The following EVL variants were observed in gnomAD, a reference collection of about 807,000 sequenced individuals.
EVL encodes the protein Enah/Vasp-like, also known as ena/VASP-like protein.
In EVL, 21 loss-of-function variants were observed where a neutral mutation model predicts 59.6. The ratio of observed to expected loss-of-function variants is 0.35; its 90% CI spans 0.25 to 0.51. The LOEUF (loss-of-function observed/expected upper bound fraction) is 0.51, where lower values mean the gene tolerates loss of function less well. Among genes scored for constraint, EVL ranks in the 20% least tolerant of loss-of-function variants. EVL has a pLI of 0.97. For synonymous variants in EVL, 198 were observed against 203.5 expected (o/e 0.97, Z 0.23); for missense variants, 462 against 546.6 (o/e 0.85, Z 1.54).
intron 4 of EVL, among the ~76,000 whole-genome samples, chr14:100,126,253 G>A (rs1220578277): frequency 6.6e-6 from 1 of 152,254 alleles, no homozygotes; most frequent in Non-Finnish European, 1.5e-5. Flanking sequence ...CAGTGGTAAA[G>A]AAAATGAGGA....
At chr14:99,988,794 T>C (rs1472200953) in intron 1 of EVL, among the ~76,000 whole-genome samples, 1 of 152,204 alleles carries the variant, frequency 6.6e-6, no homozygotes, top group Non-Finnish European at 1.5e-5. Flanking sequence ...TTATACTCAA[T>C]GACAGGTGCA....
Position 100,108,692 on chromosome 14 carries a change from C to T in EVL, c.358+11034C>T, listed in dbSNP as rs1432940870. ...CTTCTTCCCCTCTCACTTTTCCCCA[C>T]ACTTCTAAAATCTCACTCGTCCTGT... On this transcript the variant is annotated intron_variant, in intron 3 of 13. Transcript: ENST00000392920. This position sits in a 1 kb window ranked among gnomAD's most constrained non-coding sequence, Gnocchi z 4.1. Among the ~76,000 whole-genome samples the T allele has an allele frequency of 6.6e-6, 1 of 152,202 alleles. No homozygotes were observed. Among genetic ancestry groups the T allele is most frequent in the Non-Finnish European group, 1.5e-5 (1 of 68,034 alleles).
intron 1 of EVL, among the ~76,000 whole-genome samples, chr14:100,006,283 C>CTTT (rs1195149750): frequency 6.1e-5 from 8 of 132,178 alleles, no homozygotes; most frequent in African/African-American, 8.5e-5. Context: ...GGTTGTTAAT[C>CTTT]TTTTTTTTTT....
At chr14:100,132,582 C>G in intron 7 of EVL, 137 bp from the exon 8 acceptor site, 1 of 977,414 alleles carries the variant, frequency 1.0e-6, no homozygotes, top group Non-Finnish European at 1.6e-6. Flanking sequence ...AGACAAGCCG[C>G]CTCCTTCACG....
intron 1 of EVL, among the ~76,000 whole-genome samples, chr14:100,023,470 G>A (rs147445066): frequency 0.026 from 3,914 of 149,158 alleles, 76 homozygotes; most frequent in Non-Finnish European, 0.04. Context: ...TGGGATTACA[G>A]GCATATGCCA....
At chr14:100,132,832 G>A (rs1400085913) in intron 8 of EVL, 53 bp downstream of exon 8, 24 of 1,589,710 alleles carry the variant, frequency 1.5e-5, no homozygotes, top group East Asian at 4.5e-5. Context: ...TGAGCGCATC[G>A]CCAGGGAGGC....
At chr14:99,986,711 G>A (rs1224637862) in intron 1 of EVL, among the ~76,000 whole-genome samples, 2 of 152,234 alleles carry the variant, frequency 1.3e-5, no homozygotes, top group African/African-American at 4.8e-5. Flanking sequence ...AGGAGATAGA[G>A]CATAAGTACG....
intron 1 of EVL, among the ~76,000 whole-genome samples, chr14:100,027,558 C>T (rs1485750856): frequency 6.6e-6 from 1 of 152,144 alleles, no homozygotes; most frequent in East Asian, 1.9e-4. Context: ...CCAGTTTCAT[C>T]TAGGTTGCTG....
chr14:100,086,531 G>A (rs371939378), intron 2 of EVL, among the ~76,000 whole-genome samples: 7 of 152,232 alleles, frequency 4.6e-5, no homozygotes, highest in South Asian at 4.1e-4. Context: ...CCTCCAGGGC[G>A]TAGTAGGAAG....
At chr14:100,024,101 A>G (rs750524246) in intron 1 of EVL, among the ~76,000 whole-genome samples, 1 of 152,188 alleles carries the variant, frequency 6.6e-6, no homozygotes, top group Non-Finnish European at 1.5e-5. Context: ...CACAATTGCT[A>G]TTTGTTAGTC....
intron 1 of EVL, among the ~76,000 whole-genome samples, chr14:99,982,014 C>T (rs1043860241): frequency 6.6e-6 from 1 of 151,974 alleles, no homozygotes; most frequent in Non-Finnish European, 1.5e-5. Context: ...CAGCTGATGT[C>T]GGGGTGAGGG....
chr14:100,046,753 C>CTTT (rs759300292), intron 1 of EVL, among the ~76,000 whole-genome samples: 5 of 132,564 alleles, frequency 3.8e-5, no homozygotes, highest in South Asian at 2.5e-4. Flanking sequence ...CTTTTTCTTT[C>CTTT]TTTTTTTTTT....
chr14:100,011,254 G>C (rs559018931), intron 1 of EVL, among the ~76,000 whole-genome samples: 42 of 152,286 alleles, frequency 2.8e-4, no homozygotes, highest in African/African-American at 7.7e-4. Flanking sequence ...CATTTGTTTG[G>C]AAAGTCCACT....
chr14:99,981,488 A>G (rs1206788890), intron 1 of EVL, among the ~76,000 whole-genome samples: 1 of 152,250 alleles, frequency 6.6e-6, no homozygotes, highest in Non-Finnish European at 1.5e-5. Flanking sequence ...ATGAATATAA[A>G]TTAAATCATA....
intron 1 of EVL, among the ~76,000 whole-genome samples, chr14:100,020,481 GCACA>G (rs142607516): frequency 1.3e-5 from 2 of 150,738 alleles, no homozygotes; most frequent in African/African-American, 2.4e-5. Context: ...GTGTGTGCAC[GCACA>G]CACACACACT....
intron 7 of EVL, among the ~76,000 whole-genome samples, chr14:100,129,927 A>G (rs1265648648): frequency 6.6e-6 from 1 of 152,264 alleles, no homozygotes; most frequent in African/African-American, 2.4e-5. Flanking sequence ...TGAAGCATCT[A>G]CCATGTACCA....
Position 100,108,528 on chromosome 14 carries a change from CTT to C in EVL, c.358+10872_358+10873del, listed in dbSNP as rs1886730878. 1.3e-5 allele frequency among the ~76,000 whole-genome samples: 2 copies of C among 152,156 alleles called. No individual in the cohort carries two copies. The highest frequency in any genetic ancestry group is 2.9e-5 in the Non-Finnish European group (2 of 68,030). ...CACTTTCTGAAAGCCGGATATGTCT[CTT>C]TGCTGACCCACCCCTGTTCTCACCC... On this transcript the variant is annotated intron_variant, in intron 3 of 13. Transcript: ENST00000392920. This position sits in a 1 kb window ranked among gnomAD's most constrained non-coding sequence, Gnocchi z 4.1.
intron 4 of EVL, among the ~76,000 whole-genome samples, chr14:100,125,122 C>T (rs1179209277): frequency 1.9e-5 from 2 of 103,090 alleles, no homozygotes; most frequent in African/African-American, 9.5e-5. Context: ...CAAGGCGGGA[C>T]CACACACACA....
chr14:100,036,424 A>G (rs2061389384), intron 1 of EVL, among the ~76,000 whole-genome samples: 1 of 152,208 alleles, frequency 6.6e-6, no homozygotes, highest in African/African-American at 2.4e-5. Flanking sequence ...ATTTCCCATC[A>G]TGTGGGGAAG....
Sources: gnomAD v4.1 joint callset for allele counts (sites outside exome capture counted in the v4.1 genomes callset) on GRCh38, gnomAD v4.1.1 for gene constraint, Gnocchi (gnomAD v3.1) non-coding constraint, MANE v1.5 for transcripts, NCBI Gene and HGNC (gene_info 2026-07-23, HGNC 2026-07-21) for gene names.